The following SH3RF2 variants were observed in gnomAD, a reference collection of about 807,000 sequenced individuals.
SH3RF2 encodes E3 ubiquitin-protein ligase SH3RF2.
A neutral mutation model predicts 59.0 loss-of-function variants in SH3RF2; 43 were observed. The ratio of observed to expected loss-of-function variants is 0.73; its 90% CI spans 0.57 to 0.94. SH3RF2 has a LOEUF of 0.94. SH3RF2 is among the 40% of genes least tolerant of loss of function. The probability of loss-of-function intolerance (pLI) is 0.00; values close to 1 mark genes in which losing one functional copy is unlikely to be tolerated. For synonymous variants in SH3RF2, 391 were observed against 391.5 expected (o/e 1.00, Z 0.01); for missense variants, 930 against 940.1 (o/e 0.99, Z 0.14).
intron 2 of SH3RF2, among the ~76,000 whole-genome samples, chr5:145,982,612 C>A (rs552844684): frequency 6.6e-6 from 1 of 152,186 alleles, no homozygotes; most frequent in Middle Eastern, 3.2e-3. Context: ...CATTCCTTCT[C>A]ACAATACTTA....
At chr5:146,004,258 GAACT>G (rs1437015959) in intron 4 of SH3RF2, 105 bp downstream of exon 4, 4 of 807,150 alleles carry the variant, frequency 5.0e-6, no homozygotes, top group Non-Finnish European at 7.4e-6. Context: ...GCTTATTTCA[GAACT>G]AACTAAAATC....
chr5:145,954,376 G>T (rs1758310850), intron 2 of SH3RF2, among the ~76,000 whole-genome samples: 1 of 152,256 alleles, frequency 6.6e-6, no homozygotes, highest in Non-Finnish European at 1.5e-5. Flanking sequence ...GTCTGTTCAT[G>T]TTCCTTGCCC....
intron 2 of SH3RF2, chr5:145,997,976 C>T: frequency 2.6e-6 from 2 of 767,712 alleles, no homozygotes; most frequent in Non-Finnish European, 4.8e-6. Context: ...GGTGGTCCCA[C>T]CCAGAACATA....
intron 4 of SH3RF2, among the ~76,000 whole-genome samples, chr5:146,004,443 T>A (rs1338283483): frequency 6.6e-6 from 1 of 152,172 alleles, no homozygotes. Flanking sequence ...AGTCAATAAG[T>A]CCATCTGGGA....
chr5:146,005,278 T>C (rs776255276), intron 4 of SH3RF2, among the ~76,000 whole-genome samples: 1 of 152,128 alleles, frequency 6.6e-6, no homozygotes, highest in Non-Finnish European at 1.5e-5. Context: ...AGCAAGTCAT[T>C]ACATATTTAA....
At chr5:145,981,076 C>T (rs1477611664) in intron 2 of SH3RF2, among the ~76,000 whole-genome samples, 2 of 152,082 alleles carry the variant, frequency 1.3e-5, no homozygotes, top group African/African-American at 4.8e-5. Flanking sequence ...CAGTCAGTGT[C>T]TAAATTTCCT....
intron 7 of SH3RF2, among the ~76,000 whole-genome samples, chr5:146,052,263 G>A (rs779352496): frequency 1.3e-4 from 20 of 152,140 alleles, no homozygotes; most frequent in Non-Finnish European, 1.9e-4. Flanking sequence ...AAGCCGTGTG[G>A]TCATCCTAAA....
intron 4 of SH3RF2, among the ~76,000 whole-genome samples, chr5:146,011,698 T>A (rs1218515662): frequency 6.6e-6 from 1 of 152,190 alleles, no homozygotes; most frequent in Non-Finnish European, 1.5e-5. Context: ...TATTGGTGTT[T>A]AAGAATGCTT....
chr5:146,058,173 C>G (rs1029837671), intron 8 of SH3RF2, among the ~76,000 whole-genome samples: 4 of 152,014 alleles, frequency 2.6e-5, no homozygotes, highest in Admixed American at 6.5e-5. Flanking sequence ...AATAAGAAAG[C>G]ATTAAATCTC....
chr5:146,027,167 G>A (rs1201374889), intron 5 of SH3RF2, among the ~76,000 whole-genome samples: 2 of 152,214 alleles, frequency 1.3e-5, no homozygotes, highest in East Asian at 3.8e-4. Flanking sequence ...AATTAGGGAA[G>A]GAGTGTGACT....
At chr5:146,077,764 T>A (rs542787088) in intron 9 of SH3RF2, among the ~76,000 whole-genome samples, 70 of 152,338 alleles carry the variant, frequency 4.6e-4, no homozygotes, top group African/African-American at 1.6e-3. Context: ...GACCACATCT[T>A]GCATATAGTT....
chr5:145,986,294 A>G (rs1733831413), intron 2 of SH3RF2, among the ~76,000 whole-genome samples: 1 of 152,122 alleles, frequency 6.6e-6, no homozygotes, highest in Non-Finnish European at 1.5e-5. Context: ...GAGCAACCAG[A>G]GCTTTGCTTT....
At chr5:146,021,930 G>A (rs1252826128) in intron 5 of SH3RF2, among the ~76,000 whole-genome samples, 3 of 152,308 alleles carry the variant, frequency 2.0e-5, no homozygotes, top group African/African-American at 7.2e-5. Flanking sequence ...AATAAAAAGT[G>A]AATATAAAGT....
At position 146,060,044 on chromosome 5, in the gene SH3RF2, G is replaced by A. The variant is rs373664258; in HGVS notation, c.1734G>A (p.Gly578=). 25 of 1,613,000 alleles carry A rather than the reference G, an allele frequency of 1.5e-5. No individual in the cohort carries two copies. The highest frequency in any genetic ancestry group is 2.0e-5 in the Non-Finnish European group (23 of 1,179,462). ...VEMGSKPALT[G]EPALTCISRG... ...TGGGGTCCAAGCCTGCCCTCACGGGGGAGCCCGCCCTCACGTGCATCAGCA... is the reference window on the plus strand; with the variant it reads ...TGGGGTCCAAGCCTGCCCTCACGGGAGAGCCCGCCCTCACGTGCATCAGCA... Residue 578 remains glycine, a synonymous_variant, in exon 9 of 10, where the codon GGG becomes GGA. Coordinates refer to ENST00000359120, the MANE Select transcript of SH3RF2 (RefSeq NM_152550.4).
At chr5:145,975,711 C>T (rs1023471288) in intron 2 of SH3RF2, among the ~76,000 whole-genome samples, 5 of 152,208 alleles carry the variant, frequency 3.3e-5, no homozygotes, top group African/African-American at 9.6e-5. Flanking sequence ...AAACTTAACA[C>T]AGGACCACTG....
At chr5:146,053,268 T>A (rs1310294901) in intron 7 of SH3RF2, among the ~76,000 whole-genome samples, 1 of 152,192 alleles carries the variant, frequency 6.6e-6, no homozygotes, top group Non-Finnish European at 1.5e-5. Context: ...CACAACTAAA[T>A]CTCTGCCACC....
In SH3RF2 at chr5:146,070,563, C is replaced by T. The variant is rs142894247; in HGVS notation, c.*33+7829C>T. Among the ~76,000 whole-genome samples the T allele has an allele frequency of 3.3e-5, 5 of 152,262 alleles. No homozygotes were observed. The South Asian group carries it at 6.2e-4, about 19-fold the overall frequency. On this transcript the variant is annotated intron_variant, in intron 9 of 9. Coordinates refer to the SH3RF2 transcript ENST00000511217. ...AAAACACAATGATCATTTTGCATTC[C>T]CCAGGTCACTCTCTCTTCATGAGAT... is the stretch of plus-strand genomic sequence containing the variant.
At chr5:146,034,569 G>C (rs7730462) in intron 5 of SH3RF2, among the ~76,000 whole-genome samples, 50,334 of 152,030 alleles carry the variant, frequency 0.33, 8,844 homozygotes, top group Non-Finnish European at 0.39. Flanking sequence ...CTGGGACCCT[G>C]GTGGACTTTG....
chr5:146,002,528 GGAA>G (rs1760469484), intron 3 of SH3RF2, among the ~76,000 whole-genome samples: 1 of 143,870 alleles, frequency 7.0e-6, no homozygotes, highest in African/African-American at 2.7e-5. Flanking sequence ...AAGGAAGGAA[GGAA>G]GGAAGGATAA....
Sources: gnomAD v4.1 joint callset for allele counts (sites outside exome capture counted in the v4.1 genomes callset) on GRCh38, gnomAD v4.1.1 for gene constraint, MANE v1.5 for transcripts, NCBI Gene and HGNC (gene_info 2026-07-23, HGNC 2026-07-21) for gene names.